CHST3: variants seen among roughly 807,000 people sequenced by gnomAD.
CHST3 encodes the protein carbohydrate sulfotransferase 3.
In CHST3, 20 loss-of-function variants were observed where a neutral mutation model predicts 35.4. That is an observed-to-expected ratio of 0.57 (90% CI 0.40 to 0.82). The LOEUF is 0.82. CHST3 is among the 40% of genes least tolerant of loss of function. The pLI, the probability that CHST3 is intolerant of heterozygous loss-of-function variation, is 0.00. For synonymous variants in CHST3, 334 were observed against 295.9 expected (o/e 1.13, Z -1.32); for missense variants, 693 against 670.1 (o/e 1.03, Z -0.38).
chr10:72,000,961 G>A (rs1349212034), intron 1 of CHST3, among the ~76,000 whole-genome samples: 1 of 152,230 alleles, frequency 6.6e-6, no homozygotes, highest in South Asian at 2.1e-4. Flanking sequence ...AGCCACACTA[G>A]GCCCCCAGGA....
In CHST3 at chr10:72,012,791, G is replaced by C. The variant is rs1840125049; in HGVS notation, c.*4320G>C. The C allele has an allele frequency of 6.6e-6, 1 of 152,282 alleles. No homozygotes were observed. Among genetic ancestry groups the C allele is most frequent in the African/African-American group, 2.4e-5 (1 of 41,454 alleles). The allele number at this position is 152,282 out of a possible 1,614,324, so 9.4% of individuals were successfully genotyped here. On this transcript the variant is annotated 3_prime_UTR_variant, in exon 3 of 3. Coordinates refer to ENST00000373115, the MANE Select transcript of CHST3 (RefSeq NM_004273.5). ...AAGGCGCAGCCAGATGGAAGGGAGA[G>C]GGTCCAGGGCTTCCTAAATGCAGCC...
In CHST3 at chr10:72,007,228, A is replaced by G; in HGVS notation, c.197A>G (p.Asp66Gly). Residue 66 changes from aspartate to glycine, a missense_variant, in exon 3 of 3, where the codon GAC becomes GGC. By Grantham distance (94) the Asp-to-Gly change is moderately conservative. Transcript: ENST00000373115. ...PQALADANSTDPALILAENAS... is the reference protein window; with the variant it reads ...PQALADANSTGPALILAENAS... Reference sequence around the variant, plus strand: ...GCTCTAGCAGATGCCAACAGCACCGACCCAGCCCTGATCTTAGCTGAGAAC... The same window carrying G: ...GCTCTAGCAGATGCCAACAGCACCGGCCCAGCCCTGATCTTAGCTGAGAAC... The G allele has an allele frequency of 6.2e-7, 1 of 1,614,096 alleles. No individual in the cohort carries two copies. Among genetic ancestry groups the G allele is most frequent in the Non-Finnish European group, 8.5e-7 (1 of 1,180,022 alleles).
chr10:72,006,204 C>G (rs902322421), intron 2 of CHST3, among the ~76,000 whole-genome samples: 6 of 152,200 alleles, frequency 3.9e-5, no homozygotes, highest in Admixed American at 3.9e-4. Flanking sequence ...TGGAGCCCCC[C>G]CATGTTGGCC....
intron 1 of CHST3, among the ~76,000 whole-genome samples, chr10:71,970,197 C>T (rs1839677449): frequency 6.6e-6 from 1 of 152,152 alleles, no homozygotes; most frequent in African/African-American, 2.4e-5. Context: ...CCGGGAGCCC[C>T]TGACCACCAG....
rs886047165 is a variant in CHST3, at chr10:72,009,513, C to G, written c.*1042C>G. 7 of 152,240 alleles carry G rather than the reference C, an allele frequency of 4.6e-5. No homozygotes were observed. Among genetic ancestry groups the G allele is most frequent in the Non-Finnish European group, 2.9e-5 (2 of 68,052 alleles). The allele number at this position is 152,240 out of a possible 1,614,324, so 9.4% of individuals were successfully genotyped here. A position where few individuals can be genotyped will look rare whatever the true frequency, so the allele number is the denominator to read the frequency against. On this transcript the variant is annotated 3_prime_UTR_variant, in exon 3 of 3. Transcript: ENST00000373115. The stretch of plus-strand genomic sequence containing the variant: ...TCCATATTTGAAGGCTGCCTCAGGC[C>G]TGGCAGGCAGAAGCAGCTGTGGTCC...
chr10:71,999,335 G>C (rs1839970345), intron 1 of CHST3, among the ~76,000 whole-genome samples: 1 of 152,212 alleles, frequency 6.6e-6, no homozygotes, highest in African/African-American at 2.4e-5. Context: ...AAGGTGTTTG[G>C]CAACAAGGTG....
chr10:71,982,542 C>T (rs1259395393), intron 1 of CHST3, among the ~76,000 whole-genome samples: 1 of 152,092 alleles, frequency 6.6e-6, no homozygotes, highest in Non-Finnish European at 1.5e-5. Context: ...CTCTTGAGGC[C>T]AGGAGTTTGA....
At chr10:71,988,035 C>T (rs1037010406) in intron 1 of CHST3, among the ~76,000 whole-genome samples, 3 of 152,218 alleles carry the variant, frequency 2.0e-5, no homozygotes, top group African/African-American at 7.2e-5. Context: ...CCATGGGCTT[C>T]TCCCGAGCAT....
chr10:71,976,839 C>T (rs1042083976), intron 1 of CHST3, among the ~76,000 whole-genome samples: 1 of 152,174 alleles, frequency 6.6e-6, no homozygotes, highest in African/African-American at 2.4e-5. Flanking sequence ...AAAACTGGAA[C>T]CTACTTTTAT....
chr10:72,001,843 A>G (rs1470259918), intron 1 of CHST3, among the ~76,000 whole-genome samples: 1 of 152,206 alleles, frequency 6.6e-6, no homozygotes, highest in African/African-American at 2.4e-5. Flanking sequence ...GGTTCTACCC[A>G]TGAACTAAGC....
intron 2 of CHST3, 75 bp from the exon 3 acceptor site, chr10:72,007,097 G>A: frequency 1.3e-6 from 2 of 1,529,392 alleles, no homozygotes; most frequent in Admixed American, 1.8e-5. Context: ...TGATCTGCTT[G>A]GAGGACTGCT....
chr10:71,998,313 G>A (rs927022472), intron 1 of CHST3, among the ~76,000 whole-genome samples: 2 of 152,210 alleles, frequency 1.3e-5, no homozygotes, highest in Non-Finnish European at 2.9e-5. Context: ...CTCCCATGCT[G>A]GACTTGGGCC....
intron 1 of CHST3, among the ~76,000 whole-genome samples, chr10:71,970,626 C>T (rs184720708): frequency 5.6e-4 from 85 of 152,224 alleles, no homozygotes; most frequent in African/African-American, 1.8e-3. Context: ...AGAAGACGGC[C>T]GGGGGTCCCA....
chr10:72,003,336 ATTAAC>A (rs905946114), intron 1 of CHST3, among the ~76,000 whole-genome samples: 3 of 152,326 alleles, frequency 2.0e-5, no homozygotes, highest in South Asian at 2.1e-4. Flanking sequence ...CTCAGAAAAT[ATTAAC>A]TTAATAAGTT....
intron 1 of CHST3, among the ~76,000 whole-genome samples, chr10:71,985,467 A>G (rs2131749076): frequency 6.6e-6 from 1 of 152,310 alleles, no homozygotes; most frequent in South Asian, 2.1e-4. Flanking sequence ...ACTACACATG[A>G]ATAGATCCCA....
At chr10:71,972,566 C>T (rs907425146) in intron 1 of CHST3, among the ~76,000 whole-genome samples, 4 of 152,282 alleles carry the variant, frequency 2.6e-5, no homozygotes, top group South Asian at 4.1e-4. Flanking sequence ...CAGATGGCAG[C>T]GAGTGTGGTC....
chr10:71,993,823 G>A (rs1839917731), intron 1 of CHST3, among the ~76,000 whole-genome samples: 2 of 152,096 alleles, frequency 1.3e-5, no homozygotes, highest in Admixed American at 1.3e-4. Flanking sequence ...CAGGAGGCCG[G>A]GTGCAGTGGC....
At chr10:71,964,783 C>T in intron 1 of CHST3, 89 bp downstream of exon 1, 1 of 152,296 alleles carries the variant, frequency 6.6e-6, no homozygotes, top group Non-Finnish European at 1.5e-5. Context: ...TCCAGGCGCG[C>T]GCGCCAGACT....
chr10:71,974,102 A>G (rs777768816), intron 1 of CHST3, among the ~76,000 whole-genome samples: 1 of 152,230 alleles, frequency 6.6e-6, no homozygotes, highest in African/African-American at 2.4e-5. Context: ...TTTCTATACA[A>G]GTGTTGAGAG....
Sources: allele counts gnomAD v4.1 joint callset (sites outside exome capture counted in the v4.1 genomes callset), GRCh38; gene constraint gnomAD v4.1.1; transcripts MANE v1.5; gene names NCBI Gene and HGNC (gene_info 2026-07-23, HGNC 2026-07-21).